NHS: variants seen among roughly 807,000 people sequenced by gnomAD.
NHS encodes actin remodeling regulator NHS.
In NHS, 5 loss-of-function variants were observed where a neutral mutation model predicts 72.5. The ratio of observed to expected loss-of-function variants is 0.07; its 90% confidence interval spans 0.04 to 0.14. The LOEUF (loss-of-function observed/expected upper bound fraction) is 0.14. Ranked by LOEUF, NHS falls within the 10% of genes least tolerant of loss-of-function variation. The pLI, the probability that NHS is intolerant of heterozygous loss-of-function variation, is 1.00. For synonymous variants in NHS, 464 were observed against 547.7 expected (o/e 0.85, Z 2.13); for missense variants, 1,072 against 1,355.7 (o/e 0.79, Z 3.29).
intron 1 of NHS, among the ~76,000 whole-genome samples, chrX:17,504,776 C>A (rs2065049356): frequency 9.0e-6 from 1 of 111,634 alleles, no homozygotes; most frequent in Admixed American, 9.5e-5. Context: ...TGCCCACTTG[C>A]AAAAAGGGTT....
chrX:17,728,746 A>C lies in NHS; in HGVS notation c.4320A>C (p.Thr1440=). The change falls in exon 8 of 9, where the codon ACA becomes ACC. Residue 1440 remains threonine, a synonymous_variant. Transcript: ENST00000676302. ...GVFVSPNKPR[T]TEDLFAVIHR... ...TCGTGTCTCCAAACAAACCTCGAAC[A>C]ACTGAGGATTTATTTGCAGTCATTC... 1 of 1,209,868 alleles carries C rather than the reference A, an allele frequency of 8.3e-7. No homozygotes were observed. The highest frequency in any genetic ancestry group is 1.1e-6 in the Non-Finnish European group (1 of 895,192).
In NHS at chrX:17,447,935, A is replaced by G. The variant is rs767638511; in HGVS notation, c.565+71613A>G. Among the ~76,000 whole-genome samples, 3 of 111,368 alleles carry G rather than the reference A, an allele frequency of 2.7e-5. No homozygotes were observed. The South Asian group carries it at 1.1e-3, about 42-fold the overall frequency. Reference sequence around the variant, plus strand: ...TTTTTGCTTAGAAAGACCTTTCCTTATTTCATACGATATGTTACTGGCCAT... The same window carrying G: ...TTTTTGCTTAGAAAGACCTTTCCTTGTTTCATACGATATGTTACTGGCCAT... On this transcript the variant is annotated intron_variant, in intron 1 of 8. Coordinates refer to ENST00000676302, the MANE Select transcript of NHS (RefSeq NM_001291867.2).
chrX:17,576,890 G>A (rs1202652002), intron 1 of NHS, among the ~76,000 whole-genome samples: 4 of 111,887 alleles, frequency 3.6e-5, no homozygotes, highest in Non-Finnish European at 5.6e-5. Flanking sequence ...CTCATCAGAA[G>A]CAAATCTTCA....
Position 17,687,925 on chromosome X carries a change from G to A in NHS, c.718+31G>A, listed in dbSNP as rs146835111. 3.7e-4 allele frequency: 443 copies of A among 1,197,155 alleles called. No individual in the cohort carries two copies. In the East Asian group the frequency reaches 9.7e-3, roughly 26 times the overall value. On this transcript the variant is annotated intron_variant, in intron 2 of 8. Coordinates refer to ENST00000676302, the MANE Select transcript of NHS (RefSeq NM_001291867.2). Reference sequence around the variant, plus strand: ...AGATCCTGGGCTTGGGGGCTTTTGCGGGAGACAACTCGGAGGTTGTCCCAT... The same window carrying A: ...AGATCCTGGGCTTGGGGGCTTTTGCAGGAGACAACTCGGAGGTTGTCCCAT...
intron 1 of NHS, among the ~76,000 whole-genome samples, chrX:17,497,722 C>A (rs1232217381): frequency 8.9e-6 from 1 of 111,917 alleles, no homozygotes; most frequent in African/African-American, 3.2e-5. Context: ...ATGTGTCATT[C>A]TGTAACTTGC....
intron 1 of NHS, among the ~76,000 whole-genome samples, chrX:17,397,116 G>A (rs1158143828): frequency 1.8e-5 from 2 of 112,757 alleles, no homozygotes; most frequent in African/African-American, 3.2e-5. Context: ...AAGGAGGATG[G>A]GAAGAATCTC....
intron 1 of NHS, among the ~76,000 whole-genome samples, chrX:17,485,738 GGAGAAATGCAACTTACT>G (rs1328346864): frequency 9.0e-6 from 1 of 111,691 alleles, no homozygotes; most frequent in Admixed American, 9.5e-5. Context: ...CTGAAGGAGA[GGAGAAATGCAACTTACT>G]GCCTTTCCGA....
intron 1 of NHS, among the ~76,000 whole-genome samples, chrX:17,549,595 C>T (rs1478576578): frequency 8.9e-6 from 1 of 111,890 alleles, no homozygotes; most frequent in Non-Finnish European, 1.9e-5. Flanking sequence ...TGAGGATGCG[C>T]TGACCACAGA....
chrX:17,569,189 G>A (rs1324936608), intron 1 of NHS, among the ~76,000 whole-genome samples: 1 of 111,770 alleles, frequency 8.9e-6, no homozygotes, highest in Non-Finnish European at 1.9e-5. Flanking sequence ...CCAGTAATGG[G>A]ATTGCTGGGT....
In NHS at chrX:17,437,843, A is replaced by G. The variant is rs184095862; in HGVS notation, c.565+61521A>G. On this transcript the variant is annotated intron_variant, in intron 1 of 8. Coordinates refer to ENST00000676302, the MANE Select transcript of NHS (RefSeq NM_001291867.2). ...ATGTTCCCTATTATTTTTAAGTCAC[A>G]GATACAAGCCCTTGAGGAAGCATCA... Among the ~76,000 whole-genome samples the G allele has an allele frequency of 1.8e-3, 204 of 111,571 alleles. 1 individual carries two copies. The highest frequency in any genetic ancestry group is 2.5e-3 in the Non-Finnish European group (135 of 53,092).
At position 17,376,107 on chromosome X, in the gene NHS, C is replaced by T. The variant is rs764411401; in HGVS notation, c.350C>T (p.Ala117Val). 8 of 1,109,835 alleles carry T rather than the reference C, an allele frequency of 7.2e-6. No homozygotes were observed. In the Middle Eastern group the frequency reaches 9.5e-4, roughly 132 times the overall value. The allele number at this position is 1,109,835 out of a possible 1,213,427, so 91.5% of individuals were successfully genotyped here. A position where few individuals can be genotyped will look rare whatever the true frequency, so the allele number is the denominator to read the frequency against. Residue 117 changes from alanine to valine, a missense_variant, in exon 1 of 9, where the codon GCC (alanine) becomes GTC (valine). Physicochemically the swap from Ala to Val is moderately conservative, Grantham distance 64. Transcript: ENST00000676302. Reference sequence around the variant, plus strand: ...GCGTCCTCGGCGGCGGCGGCGGCGGCCGTGCTGCTCATGCTGGACCTATGC... The same window carrying T: ...GCGTCCTCGGCGGCGGCGGCGGCGGTCGTGCTGCTCATGCTGGACCTATGC... ...GEASSAAAAA[A>V]VLLMLDLCAV...
intron 1 of NHS, among the ~76,000 whole-genome samples, chrX:17,591,454 C>A (rs746614798): frequency 8.9e-6 from 1 of 111,798 alleles, no homozygotes; most frequent in Non-Finnish European, 1.9e-5. Flanking sequence ...ATTTTAAGCC[C>A]TTATAATGGG....
At chrX:17,713,903 T>C (rs1601849979) in intron 3 of NHS, among the ~76,000 whole-genome samples, 1 of 112,125 alleles carries the variant, frequency 8.9e-6, no homozygotes, top group African/African-American at 3.2e-5. Context: ...TGGTCATAAG[T>C]ATAATTCTGG....
At chrX:17,531,922 A>G (rs1407656271) in intron 1 of NHS, among the ~76,000 whole-genome samples, 4 of 112,227 alleles carry the variant, frequency 3.6e-5, no homozygotes, top group South Asian at 3.7e-4. Context: ...TTTTTGCCCT[A>G]TGCAGTTATA....
chrX:17,581,080 C>G (rs1333989763), intron 1 of NHS, among the ~76,000 whole-genome samples: 1 of 111,712 alleles, frequency 9.0e-6, no homozygotes, highest in African/African-American at 3.3e-5. Context: ...TTCACCTTCT[C>G]TTGCCTCCTG....
intron 1 of NHS, among the ~76,000 whole-genome samples, chrX:17,591,502 G>C (rs2065602645): frequency 9.0e-6 from 1 of 111,724 alleles, no homozygotes; most frequent in Admixed American, 9.5e-5. Flanking sequence ...CATGGTATTT[G>C]GTATGAAGAC....
intron 1 of NHS, among the ~76,000 whole-genome samples, chrX:17,572,214 A>G (rs377501284): frequency 9.0e-6 from 1 of 110,980 alleles, no homozygotes; most frequent in Admixed American, 9.6e-5. Context: ...CAAGTCCTGG[A>G]TATCCTTGTT....
At chrX:17,636,593 G>A (rs2065848911) in intron 1 of NHS, among the ~76,000 whole-genome samples, 1 of 112,131 alleles carries the variant, frequency 8.9e-6, no homozygotes, top group South Asian at 3.7e-4. Context: ...CACTGCCTCT[G>A]CGGAGGCTGA....
intron 1 of NHS, among the ~76,000 whole-genome samples, chrX:17,575,320 A>C (rs1232744144): frequency 8.8e-6 from 1 of 113,025 alleles, no homozygotes; most frequent in Non-Finnish European, 1.9e-5. Context: ...GTCCAGCTTC[A>C]TGCTGGGCCA....
Sources: allele counts gnomAD v4.1 joint callset (sites outside exome capture counted in the v4.1 genomes callset), GRCh38; gene constraint gnomAD v4.1.1; transcripts MANE v1.5; gene names NCBI Gene and HGNC (gene_info 2026-07-23, HGNC 2026-07-21).